Variants in WWOX observed in about 807,000 individuals in gnomAD.
WWOX encodes WW domain containing oxidoreductase.
A neutral mutation model predicts 46.2 loss-of-function variants in WWOX; 69 were observed. The observed-to-expected ratio is 1.49, with a 90% CI of 1.23 to 1.82. The LOEUF (loss-of-function observed/expected upper bound fraction) is 1.82, where lower values mean the gene tolerates loss of function less well. Ranked by LOEUF, WWOX falls within the 40% of genes most tolerant of loss-of-function variation. The pLI, the probability that WWOX is intolerant of heterozygous loss-of-function variation, is 0.00. For missense variants in WWOX, 919 were observed against 542.6 expected (o/e 1.69, Z -6.89); for synonymous variants, 359 against 202.6 (o/e 1.77, Z -6.56).
chr16:78,128,905 C>A (rs1355323147), intron 4 of WWOX, among the ~76,000 whole-genome samples: 4 of 152,164 alleles, frequency 2.6e-5, no homozygotes, highest in African/African-American at 9.7e-5. Flanking sequence ...CAGTACATTC[C>A]AAATGGCATT....
chr16:78,683,229 A>G (rs772268681), intron 8 of WWOX, among the ~76,000 whole-genome samples: 1 of 152,042 alleles, frequency 6.6e-6, no homozygotes, highest in Non-Finnish European at 1.5e-5. Context: ...AGAGACAAGG[A>G]GGTGGGCGCG....
chr16:78,875,592 CT>C (rs1264676055), intron 8 of WWOX, among the ~76,000 whole-genome samples: 2 of 152,168 alleles, frequency 1.3e-5, no homozygotes, highest in Non-Finnish European at 2.9e-5. Context: ...CTTCATATCC[CT>C]TATCTCAAGG....
At chr16:78,125,718 A>C (rs1451205213) in intron 4 of WWOX, among the ~76,000 whole-genome samples, 2 of 152,084 alleles carry the variant, frequency 1.3e-5, no homozygotes, top group Non-Finnish European at 2.9e-5. Context: ...TTTTTTTTAA[A>C]AGCTGAAGCT....
intron 6 of WWOX, among the ~76,000 whole-genome samples, chr16:78,415,173 G>A (rs2082769984): frequency 6.6e-6 from 1 of 151,204 alleles, no homozygotes; most frequent in South Asian, 2.1e-4. Context: ...ACGGAAAGGG[G>A]TAGGCAGTTC....
At chr16:79,096,145 G>A (rs998562861) in intron 8 of WWOX, among the ~76,000 whole-genome samples, 2 of 150,318 alleles carry the variant, frequency 1.3e-5, no homozygotes, top group African/African-American at 4.9e-5. Flanking sequence ...TGGGATTACA[G>A]GCATGAGCCA....
intron 8 of WWOX, among the ~76,000 whole-genome samples, chr16:78,505,482 C>G (rs1471540282): frequency 6.6e-6 from 1 of 152,122 alleles, no homozygotes; most frequent in Admixed American, 6.5e-5. Context: ...ACGCTTCGTA[C>G]CTAGATTTGG....
At chr16:78,745,522 C>CT (rs5818168) in intron 8 of WWOX, among the ~76,000 whole-genome samples, 5,931 of 92,190 alleles carry the variant, frequency 0.064, 130 homozygotes, top group African/African-American at 0.13. Flanking sequence ...TGTGGAAATC[C>CT]TTTTTTTTTT....
At chr16:78,460,312 G>T (rs1465386607) in intron 8 of WWOX, among the ~76,000 whole-genome samples, 1 of 152,060 alleles carries the variant, frequency 6.6e-6, no homozygotes, top group Admixed American at 6.6e-5. Context: ...ATTTTTAGTA[G>T]AGGCGGAGTT....
At chr16:78,935,375 C>G (rs981271024) in intron 8 of WWOX, among the ~76,000 whole-genome samples, 1 of 152,006 alleles carries the variant, frequency 6.6e-6, no homozygotes, top group African/African-American at 2.4e-5. Context: ...CAATGATAGA[C>G]TGGATTAAGA....
chr16:79,206,901 G>A (rs2051531196), intron 8 of WWOX, among the ~76,000 whole-genome samples: 1 of 152,174 alleles, frequency 6.6e-6, no homozygotes, highest in Non-Finnish European at 1.5e-5. Flanking sequence ...GATTGCTCTT[G>A]GATAGTGAGT....
At chr16:78,681,203 C>G (rs1429459787) in intron 8 of WWOX, among the ~76,000 whole-genome samples, 1 of 151,986 alleles carries the variant, frequency 6.6e-6, no homozygotes, top group Non-Finnish European at 1.5e-5. Context: ...GAGCCGAGAT[C>G]ATGCCACAGC....
intron 5 of WWOX, among the ~76,000 whole-genome samples, chr16:78,245,457 T>A (rs1393505029): frequency 2.0e-5 from 3 of 152,218 alleles, no homozygotes; most frequent in South Asian, 2.1e-4. Flanking sequence ...CTGATACATA[T>A]TAACTTGGGC....
chr16:78,668,789 T>C (rs900166692), intron 8 of WWOX, among the ~76,000 whole-genome samples: 3 of 152,114 alleles, frequency 2.0e-5, no homozygotes, highest in African/African-American at 7.2e-5. Context: ...ACAGAGGGAA[T>C]AGCAGGTACA....
At chr16:79,128,295 A>G (rs2049802050) in intron 8 of WWOX, among the ~76,000 whole-genome samples, 1 of 152,102 alleles carries the variant, frequency 6.6e-6, no homozygotes, top group Non-Finnish European at 1.5e-5. Flanking sequence ...GTGTTCAGAC[A>G]AACACTAATT....
chr16:78,518,454 C>T (rs935953609), intron 8 of WWOX, among the ~76,000 whole-genome samples: 1 of 152,074 alleles, frequency 6.6e-6, no homozygotes, highest in African/African-American at 2.4e-5. Context: ...CTCCTGACCT[C>T]AAGTGATCTG....
rs528481282 is a variant in WWOX, at chr16:78,575,812, C to G, written c.1056+143060C>G. On this transcript the variant is annotated intron_variant, in intron 8 of 8. Transcript: ENST00000566780. ...TATCAACATATAATGCCTGTCTATA[C>G]TTTCAGATGGAAAATGCCTAGATAA... 1.1e-4 allele frequency among the ~76,000 whole-genome samples: 16 copies of G among 152,226 alleles called. No individual in the cohort carries two copies. In the South Asian group the frequency reaches 2.7e-3, roughly 26 times the overall value.
chr16:78,773,647 A>G (rs975687435), intron 8 of WWOX, among the ~76,000 whole-genome samples: 1 of 152,136 alleles, frequency 6.6e-6, no homozygotes, highest in East Asian at 1.9e-4. Context: ...GTTTTCCGCT[A>G]CTCACTGGAT....
At chr16:79,089,055 G>A (rs772639695) in intron 8 of WWOX, among the ~76,000 whole-genome samples, 1 of 152,136 alleles carries the variant, frequency 6.6e-6, no homozygotes, top group African/African-American at 2.4e-5. Context: ...GGGCCCTTTG[G>A]TGTCTTTTCT....
At chr16:78,315,822 T>A (rs945991236) in intron 5 of WWOX, among the ~76,000 whole-genome samples, 2 of 151,218 alleles carry the variant, frequency 1.3e-5, no homozygotes, top group East Asian at 1.9e-4. Flanking sequence ...TCCATTAGTT[T>A]AAAAAAAAAT....
Sources: gnomAD v4.1 joint callset for allele counts (sites outside exome capture counted in the v4.1 genomes callset) on GRCh38, gnomAD v4.1.1 for gene constraint, MANE v1.5 for transcripts, NCBI Gene and HGNC (gene_info 2026-07-23, HGNC 2026-07-21) for gene names.